CSMD3: variants seen among roughly 807,000 people sequenced by gnomAD.
CSMD3 encodes CUB and Sushi multiple domains 3, also known as CUB and sushi domain-containing protein 3.
In CSMD3, 177 loss-of-function variants were observed where a neutral mutation model predicts 435.2. That is an observed-to-expected ratio of 0.41 (90% CI 0.36 to 0.46). The LOEUF is 0.46. CSMD3 is among the 20% of genes least tolerant of loss of function. CSMD3 has a pLI of 0.34. For synonymous variants in CSMD3, 1,656 were observed against 1,520.5 expected (o/e 1.09, Z -2.07); for missense variants, 4,265 against 4,504.6 (o/e 0.95, Z 1.52).
intron 66 of CSMD3, among the ~76,000 whole-genome samples, chr8:112,238,179 A>T (rs1813774628): frequency 1.3e-5 from 2 of 151,592 alleles, no homozygotes; most frequent in African/African-American, 4.9e-5. Flanking sequence ...CCTATACCTC[A>T]CAGCACAGCA....
chr8:112,388,412 G>T (rs1408221796), intron 36 of CSMD3, among the ~76,000 whole-genome samples: 1 of 152,134 alleles, frequency 6.6e-6, no homozygotes, highest in Non-Finnish European at 1.5e-5. Context: ...GGTAGTAAAA[G>T]TGTGAATGGA....
chr8:113,396,014 G>A (rs1272282558), intron 1 of CSMD3, among the ~76,000 whole-genome samples: 3 of 152,090 alleles, frequency 2.0e-5, no homozygotes, highest in African/African-American at 7.2e-5. Flanking sequence ...TGAAATCAGT[G>A]AGGAGAGGAG....
At chr8:112,225,027 A>G in intron 70 of CSMD3, 97 bp from the exon 71 acceptor site, 1 of 1,174,184 alleles carries the variant, frequency 8.5e-7, no homozygotes, top group South Asian at 1.2e-5. Flanking sequence ...AGATAATGTA[A>G]CTTAAAAATA....
intron 32 of CSMD3, among the ~76,000 whole-genome samples, chr8:112,418,716 T>G (rs553989648): frequency 6.4e-4 from 98 of 152,180 alleles, no homozygotes; most frequent in Admixed American, 1.0e-3. Flanking sequence ...TTTAAAACTA[T>G]CATCTAGCAA....
intron 12 of CSMD3, among the ~76,000 whole-genome samples, chr8:112,817,560 C>T (rs780633912): frequency 1.3e-5 from 2 of 151,926 alleles, no homozygotes; most frequent in Non-Finnish European, 2.9e-5. Context: ...TGACTTTTGT[C>T]ACTAGACGAC....
intron 5 of CSMD3, among the ~76,000 whole-genome samples, chr8:113,094,178 C>A (rs1181997256): frequency 1.3e-5 from 2 of 152,060 alleles, no homozygotes; most frequent in African/African-American, 4.8e-5. Flanking sequence ...ATTACTATTA[C>A]TCTCTTTGAT....
intron 1 of CSMD3, among the ~76,000 whole-genome samples, chr8:113,387,565 A>G (rs984387657): frequency 6.6e-6 from 1 of 151,716 alleles, no homozygotes; most frequent in Non-Finnish European, 1.5e-5. Flanking sequence ...AGGAAGTAAA[A>G]TATGTATGGG....
At chr8:113,397,401 A>G (rs2094488698) in intron 1 of CSMD3, among the ~76,000 whole-genome samples, 1 of 152,136 alleles carries the variant, frequency 6.6e-6, no homozygotes. Context: ...AATTTATAGG[A>G]ATTCCTTCTA....
chr8:113,198,913 TAAAA>T (rs1367325184), intron 3 of CSMD3, among the ~76,000 whole-genome samples: 1 of 151,392 alleles, frequency 6.6e-6, no homozygotes, highest in East Asian at 1.9e-4. Flanking sequence ...TGAAATTACT[TAAAA>T]AAGCAATCAA....
intron 12 of CSMD3, among the ~76,000 whole-genome samples, chr8:112,821,133 T>C (rs2079519418): frequency 6.6e-6 from 1 of 152,148 alleles, no homozygotes; most frequent in Admixed American, 6.6e-5. Context: ...TGTACCTTTA[T>C]ATAGAATGAT....
chr8:112,848,452 T>C (rs2129679669), intron 11 of CSMD3, among the ~76,000 whole-genome samples: 1 of 152,220 alleles, frequency 6.6e-6, no homozygotes, highest in South Asian at 2.1e-4. Context: ...TGTTAACTGG[T>C]CACCCACTAT....
intron 22 of CSMD3, among the ~76,000 whole-genome samples, chr8:112,600,509 T>C (rs1037926857): frequency 1.4e-4 from 21 of 152,172 alleles, no homozygotes; most frequent in African/African-American, 4.8e-4. Flanking sequence ...TAAATATTCC[T>C]TCCTCCTTAA....
At chr8:113,425,326 G>A (rs767403329) in intron 1 of CSMD3, among the ~76,000 whole-genome samples, 1 of 151,294 alleles carries the variant, frequency 6.6e-6, no homozygotes, top group Non-Finnish European at 1.5e-5. Context: ...ACATGAAATA[G>A]CAAATGATAA....
chr8:113,358,623 C>A (rs941609869), intron 1 of CSMD3, among the ~76,000 whole-genome samples: 8 of 151,918 alleles, frequency 5.3e-5, no homozygotes, highest in Non-Finnish European at 8.8e-5. Context: ...TGGCAGAAGG[C>A]AAAGGGGAGT....
At chr8:112,728,325 T>A (rs908023660) in intron 13 of CSMD3, among the ~76,000 whole-genome samples, 2 of 151,944 alleles carry the variant, frequency 1.3e-5, no homozygotes, top group African/African-American at 2.4e-5. Flanking sequence ...TAGATGTAAT[T>A]TATATGCTTA....
intron 1 of CSMD3, among the ~76,000 whole-genome samples, chr8:113,317,900 C>G (rs1188683865): frequency 6.6e-6 from 1 of 152,090 alleles, no homozygotes; most frequent in Non-Finnish European, 1.5e-5. Context: ...ATGTAGACTT[C>G]TACTACATTC....
chr8:113,320,676 C>A (rs188997703), intron 1 of CSMD3, among the ~76,000 whole-genome samples: 1 of 151,994 alleles, frequency 6.6e-6, no homozygotes, highest in Non-Finnish European at 1.5e-5. Flanking sequence ...TACGGCTAAT[C>A]GTTGTTCTTT....
At chr8:112,280,435 TA>T (rs1352659224) in intron 59 of CSMD3, among the ~76,000 whole-genome samples, 1 of 151,874 alleles carries the variant, frequency 6.6e-6, no homozygotes, top group Non-Finnish European at 1.5e-5. Flanking sequence ...CACACTTGAC[TA>T]AGTTTTGTAT....
At chr8:112,272,219 T>A (rs1273891489) in intron 59 of CSMD3, among the ~76,000 whole-genome samples, 1 of 152,186 alleles carries the variant, frequency 6.6e-6, no homozygotes, top group African/African-American at 2.4e-5. Context: ...AATTTTATTA[T>A]AGCAGCACAA....
Sources: gnomAD v4.1 joint callset for allele counts (sites outside exome capture counted in the v4.1 genomes callset) on GRCh38, gnomAD v4.1.1 for gene constraint, MANE v1.5 for transcripts, NCBI Gene and HGNC (gene_info 2026-07-23, HGNC 2026-07-21) for gene names.